Variants in NRG3 observed in about 807,000 individuals in gnomAD.
NRG3 encodes neuregulin 3, also known as pro-neuregulin-3, membrane-bound isoform.
Under a neutral mutation model 66.9 loss-of-function variants are expected in NRG3, and 31 were observed. The observed-to-expected ratio is 0.46, with a 90% CI of 0.35 to 0.63. The LOEUF (loss-of-function observed/expected upper bound fraction) is 0.63. Ranked by LOEUF, NRG3 falls within the 20% of genes least tolerant of loss-of-function variation. The probability of loss-of-function intolerance (pLI) is 0.00; values close to 1 mark genes in which losing one functional copy is unlikely to be tolerated. For missense variants in NRG3, 910 were observed against 878.9 expected (o/e 1.04, Z -0.45); for synonymous variants, 393 against 359.4 (o/e 1.09, Z -1.06).
At chr10:82,384,586 A>G (rs1225437395) in intron 2 of NRG3, among the ~76,000 whole-genome samples, 3 of 152,200 alleles carry the variant, frequency 2.0e-5, no homozygotes, top group Non-Finnish European at 4.4e-5. Flanking sequence ...AGTTGCACAC[A>G]TGTCCCTGCA....
intron 1 of NRG3, among the ~76,000 whole-genome samples, chr10:81,986,079 C>A (rs934893701): frequency 6.6e-6 from 1 of 152,056 alleles, no homozygotes; most frequent in African/African-American, 2.4e-5. Flanking sequence ...TCACTTTGAT[C>A]ATCACTGTAA....
At chr10:82,561,418 G>A (rs1170477038) in intron 2 of NRG3, among the ~76,000 whole-genome samples, 1 of 152,190 alleles carries the variant, frequency 6.6e-6, no homozygotes, top group Non-Finnish European at 1.5e-5. Flanking sequence ...CTGGGAGGCT[G>A]AGGTGGACGG....
At chr10:82,105,815 G>A (rs2067026537) in intron 1 of NRG3, among the ~76,000 whole-genome samples, 1 of 152,128 alleles carries the variant, frequency 6.6e-6, no homozygotes, top group South Asian at 2.1e-4. Flanking sequence ...CAAAAACATT[G>A]ACAATTAGGA....
At chr10:82,000,114 G>A (rs1271781150) in intron 1 of NRG3, among the ~76,000 whole-genome samples, 2 of 152,230 alleles carry the variant, frequency 1.3e-5, no homozygotes, top group African/African-American at 4.8e-5. Context: ...GCTAAGTTAT[G>A]TTTCTGGTTG....
intron 1 of NRG3, among the ~76,000 whole-genome samples, chr10:82,085,676 G>T (rs2133455626): frequency 6.6e-6 from 1 of 151,578 alleles, no homozygotes; most frequent in African/African-American, 2.4e-5. Flanking sequence ...CATTCTTGTT[G>T]CCCAGGCTGG....
intron 3 of NRG3, among the ~76,000 whole-genome samples, chr10:82,822,963 C>T (rs2062018326): frequency 6.6e-6 from 1 of 152,204 alleles, no homozygotes; most frequent in African/African-American, 2.4e-5. Context: ...CTGACTGCGG[C>T]TAACTAGGAT....
chr10:82,643,540 A>G (rs552984827), intron 2 of NRG3, among the ~76,000 whole-genome samples: 5 of 152,232 alleles, frequency 3.3e-5, no homozygotes, highest in African/African-American at 1.2e-4. Flanking sequence ...CCTAAGCATG[A>G]TTAATAATAT....
chr10:82,116,220 T>G (rs74144154), intron 1 of NRG3, among the ~76,000 whole-genome samples: 2,985 of 151,486 alleles, frequency 0.02, 78 homozygotes, highest in African/African-American at 0.069. Flanking sequence ...ATTTTGTCCC[T>G]TATACTTTGA....
chr10:82,829,441 G>T (rs2062404786), intron 3 of NRG3, among the ~76,000 whole-genome samples: 1 of 152,170 alleles, frequency 6.6e-6, no homozygotes, highest in South Asian at 2.1e-4. Flanking sequence ...AAGATGATAA[G>T]GGGCAAACCA....
At chr10:81,907,793 C>A (rs2132713978) in intron 1 of NRG3, among the ~76,000 whole-genome samples, 1 of 152,240 alleles carries the variant, frequency 6.6e-6, no homozygotes, top group South Asian at 2.1e-4. Context: ...TCAGTTTGTA[C>A]ACCAAAATTA....
intron 1 of NRG3, among the ~76,000 whole-genome samples, chr10:82,229,587 C>A (rs1231694783): frequency 6.6e-6 from 1 of 152,186 alleles, no homozygotes; most frequent in African/African-American, 2.4e-5. Context: ...AGGAAACTTA[C>A]AATCATGGCA....
chr10:82,816,468 T>C (rs1360038298), intron 3 of NRG3, among the ~76,000 whole-genome samples: 1 of 151,910 alleles, frequency 6.6e-6, no homozygotes, highest in Non-Finnish European at 1.5e-5. Flanking sequence ...TGTCTTTCTG[T>C]GAGTCCAGCT....
chr10:82,595,647 C>T (rs977759923), intron 2 of NRG3, among the ~76,000 whole-genome samples: 3 of 151,950 alleles, frequency 2.0e-5, no homozygotes, highest in East Asian at 3.9e-4. Context: ...TAGCCAGGCA[C>T]GGTGGTGGGC....
At chr10:82,868,191 T>C (rs1840952192) in intron 4 of NRG3, among the ~76,000 whole-genome samples, 1 of 152,202 alleles carries the variant, frequency 6.6e-6, no homozygotes, top group Non-Finnish European at 1.5e-5. Context: ...GTGCTTCCTA[T>C]TGTGTCTGAG....
chr10:82,219,179 T>C (rs1351642903), intron 1 of NRG3, among the ~76,000 whole-genome samples: 4 of 150,950 alleles, frequency 2.6e-5, no homozygotes, highest in Non-Finnish European at 5.9e-5. Flanking sequence ...AAAAAGGGTT[T>C]CTCAACCTTA....
chr10:82,573,549 A>G (rs372239138), intron 2 of NRG3, among the ~76,000 whole-genome samples: 6 of 151,912 alleles, frequency 3.9e-5, no homozygotes, highest in African/African-American at 1.4e-4. Flanking sequence ...TGATTCCTTT[A>G]TATTATTGCA....
intron 2 of NRG3, among the ~76,000 whole-genome samples, chr10:82,456,816 T>A (rs1015163977): frequency 6.6e-6 from 1 of 152,150 alleles, no homozygotes; most frequent in African/African-American, 2.4e-5. Context: ...GTACCGGGCC[T>A]GACACTCGGC....
Position 82,330,309 on chromosome 10 carries a change from A to G in NRG3, c.824-28430A>G, listed in dbSNP as rs940907448. On this transcript the variant is annotated intron_variant, in intron 1 of 8. Transcript: ENST00000372141. ...TTTACACTATTATTGCTCTTTTGCTATATTTTCCGGTCATTTTTGCTATAT... is the reference window on the plus strand; with the variant it reads ...TTTACACTATTATTGCTCTTTTGCTGTATTTTCCGGTCATTTTTGCTATAT... 3.2e-4 allele frequency among the ~76,000 whole-genome samples: 49 copies of G among 152,150 alleles called. 1 individual carries two copies. The highest frequency in any genetic ancestry group is 9.7e-4 in the African/African-American group (40 of 41,432).
chr10:82,251,597 C>A (rs2077491348), intron 1 of NRG3, among the ~76,000 whole-genome samples: 1 of 152,140 alleles, frequency 6.6e-6, no homozygotes, highest in Non-Finnish European at 1.5e-5. Context: ...GTGGTAGATC[C>A]TGGTGCCGCT....
Sources: gnomAD v4.1 joint callset for allele counts (sites outside exome capture counted in the v4.1 genomes callset) on GRCh38, gnomAD v4.1.1 for gene constraint, MANE v1.5 for transcripts, NCBI Gene and HGNC (gene_info 2026-07-23, HGNC 2026-07-21) for gene names.